SLC14A2: variants seen among roughly 807,000 people sequenced by gnomAD.
SLC14A2 encodes solute carrier family 14 member 2, also known as urea transporter 2.
A neutral mutation model predicts 104.6 loss-of-function variants in SLC14A2; 91 were observed. That is an observed-to-expected ratio of 0.87 (90% CI 0.73 to 1.04). The LOEUF is 1.04. Ranked by LOEUF, SLC14A2 falls within the 50% of genes least tolerant of loss-of-function variation. The pLI, the probability that SLC14A2 is intolerant of heterozygous loss-of-function variation, is 0.00. For synonymous variants in SLC14A2, 476 were observed against 466.4 expected, an observed-to-expected ratio of 1.02 and a Z score of -0.27; for missense variants, 1,189 against 1,156.0, an observed-to-expected ratio of 1.03 and a Z score of -0.41.
intron 5 of SLC14A2, chr18:45,634,809 ACT>A (rs1568307141): frequency 4.4e-6 from 2 of 457,182 alleles, no homozygotes; most frequent in Non-Finnish European, 4.4e-6. Context: ...TAAACAAATC[ACT>A]CTGTTTGCAG....
At chr18:45,496,663 A>C (rs997704229) in intron 2 of SLC14A2, among the ~76,000 whole-genome samples, 1 of 152,150 alleles carries the variant, frequency 6.6e-6, no homozygotes, top group Non-Finnish European at 1.5e-5. Flanking sequence ...GGTGCCTGTA[A>C]ACCCAGCTAC....
chr18:45,380,620 T>C (rs568175197), intron 1 of SLC14A2, among the ~76,000 whole-genome samples: 1 of 152,312 alleles, frequency 6.6e-6, no homozygotes, highest in African/African-American at 2.4e-5. Flanking sequence ...TGTTTCAGGG[T>C]GACACAGGGG....
chr18:45,336,800 C>T (rs1007643835), intron 1 of SLC14A2, among the ~76,000 whole-genome samples: 3 of 152,228 alleles, frequency 2.0e-5, no homozygotes, highest in African/African-American at 7.2e-5. Flanking sequence ...CAGCATCCTT[C>T]ATCAACTGGC....
chr18:45,317,446 G>A (rs1337546822), intron 1 of SLC14A2, among the ~76,000 whole-genome samples: 1 of 152,184 alleles, frequency 6.6e-6, no homozygotes, highest in Non-Finnish European at 1.5e-5. Context: ...AACTAGCTAT[G>A]TAATTTACAG....
chr18:45,327,712 A>ATTTTC (rs1441953491), intron 1 of SLC14A2, among the ~76,000 whole-genome samples: 2 of 152,180 alleles, frequency 1.3e-5, no homozygotes, highest in Non-Finnish European at 2.9e-5. Flanking sequence ...ATGTGTCAGA[A>ATTTTC]TTTTCTTCCT....
intron 2 of SLC14A2, among the ~76,000 whole-genome samples, chr18:45,500,696 C>G (rs1201359128): frequency 6.6e-6 from 1 of 152,106 alleles, no homozygotes; most frequent in East Asian, 1.9e-4. Context: ...GTTGCACATT[C>G]CTTGTTCCCA....
At chr18:45,570,884 CT>C (rs778201185) in intron 2 of SLC14A2, among the ~76,000 whole-genome samples, 1 of 152,160 alleles carries the variant, frequency 6.6e-6, no homozygotes, top group Non-Finnish European at 1.5e-5. Context: ...AAACTAGGGT[CT>C]TTTTTATTGT....
intron 1 of SLC14A2, among the ~76,000 whole-genome samples, chr18:45,284,182 T>G (rs1346063204): frequency 6.6e-6 from 1 of 152,228 alleles, no homozygotes; most frequent in Non-Finnish European, 1.5e-5. Flanking sequence ...CATTACAGTG[T>G]GTTATACAGC....
intron 1 of SLC14A2, among the ~76,000 whole-genome samples, chr18:45,259,395 A>T (rs1019930705): frequency 1.3e-5 from 2 of 152,198 alleles, no homozygotes; most frequent in African/African-American, 4.8e-5. Context: ...CTGTCTGGAA[A>T]AATGAAAGGA....
intron 1 of SLC14A2, among the ~76,000 whole-genome samples, chr18:45,235,616 T>A (rs1293858907): frequency 6.6e-6 from 1 of 151,832 alleles, no homozygotes; most frequent in East Asian, 1.9e-4. Context: ...TATTCTACTC[T>A]CTACTTTCTG....
At chr18:45,302,310 G>T (rs879535440) in intron 1 of SLC14A2, among the ~76,000 whole-genome samples, 1 of 152,232 alleles carries the variant, frequency 6.6e-6, no homozygotes, top group Admixed American at 6.5e-5. Context: ...ATAAGAGTTA[G>T]TCTATACTGC....
chr18:45,320,276 T>G (rs2085171922), intron 1 of SLC14A2, among the ~76,000 whole-genome samples: 1 of 152,186 alleles, frequency 6.6e-6, no homozygotes, highest in Non-Finnish European at 1.5e-5. Flanking sequence ...TTGGCACATC[T>G]TTCATTTTCT....
chr18:45,483,790 A>T (rs2087542121), intron 2 of SLC14A2, among the ~76,000 whole-genome samples: 1 of 152,186 alleles, frequency 6.6e-6, no homozygotes, highest in South Asian at 2.1e-4. Context: ...AGTTTATCTT[A>T]AGGTCACTTG....
At chr18:45,623,728 TC>T (rs1049382147) in intron 1 of SLC14A2, among the ~76,000 whole-genome samples, 1 of 152,156 alleles carries the variant, frequency 6.6e-6, no homozygotes, top group Non-Finnish European at 1.5e-5. Context: ...GGATCTGTGA[TC>T]CCTGTCCTAA....
chr18:45,653,272 C>T (rs933533301), intron 10 of SLC14A2, among the ~76,000 whole-genome samples: 2 of 152,138 alleles, frequency 1.3e-5, no homozygotes, highest in African/African-American at 4.8e-5. Context: ...CCTCCCACCC[C>T]CTTTGTTTGC....
intron 12 of SLC14A2, among the ~76,000 whole-genome samples, chr18:45,666,567 G>A (rs2046027689): frequency 6.8e-6 from 1 of 147,704 alleles, no homozygotes; most frequent in Admixed American, 6.8e-5. Context: ...ACATGCCAGG[G>A]AGAAAGCCAT....
chr18:45,307,715 T>C (rs536350630), intron 1 of SLC14A2, among the ~76,000 whole-genome samples: 2 of 152,306 alleles, frequency 1.3e-5, no homozygotes, highest in African/African-American at 2.4e-5. Flanking sequence ...TCATCATTAA[T>C]GTCAAGATGA....
At chr18:45,679,497 G>C (rs2046281652) in intron 19 of SLC14A2, among the ~76,000 whole-genome samples, 1 of 152,172 alleles carries the variant, frequency 6.6e-6, no homozygotes, top group African/African-American at 2.4e-5. Flanking sequence ...CACAGTCTGG[G>C]AACCCCTTCC....
At chr18:45,501,497 T>A (rs956383650) in intron 2 of SLC14A2, among the ~76,000 whole-genome samples, 7 of 152,244 alleles carry the variant, frequency 4.6e-5, no homozygotes, top group Non-Finnish European at 8.8e-5. Flanking sequence ...TATAAATGCT[T>A]CGTCTCCCAC....
Sources: allele counts gnomAD v4.1 joint callset (sites outside exome capture counted in the v4.1 genomes callset), GRCh38; gene constraint gnomAD v4.1.1; transcripts MANE v1.5; gene names NCBI Gene and HGNC (gene_info 2026-07-23, HGNC 2026-07-21).